Variants in LRRC36 observed in about 807,000 individuals in gnomAD.
LRRC36 encodes the protein leucine rich repeat containing 36.
A neutral mutation model predicts 81.1 loss-of-function variants in LRRC36; 62 were observed. The ratio of observed to expected loss-of-function variants is 0.76; its 90% CI spans 0.62 to 0.94. The LOEUF (loss-of-function observed/expected upper bound fraction) is 0.94. Ranked by LOEUF, LRRC36 falls within the 40% of genes least tolerant of loss-of-function variation. LRRC36 has a pLI of 0.00. For missense variants in LRRC36, 761 were observed against 881.7 expected, an observed-to-expected ratio of 0.86 and a Z score of 1.73; for synonymous variants, 334 against 348.6, an observed-to-expected ratio of 0.96 and a Z score of 0.47.
At chr16:67,375,444 G>C in intron 10 of LRRC36, 32 bp downstream of exon 10, 1 of 1,533,366 alleles carries the variant, frequency 6.5e-7, no homozygotes. Context: ...CCTTGGACAG[G>C]AGTTGGACTT....
At chr16:67,361,969 G>A (rs897073966) in intron 5 of LRRC36, among the ~76,000 whole-genome samples, 3 of 151,932 alleles carry the variant, frequency 2.0e-5, no homozygotes, top group African/African-American at 7.3e-5. Flanking sequence ...GGTGGCTCAC[G>A]CGTGTAATCC....
At chr16:67,378,791 A>T in intron 12 of LRRC36, 79 bp downstream of exon 12, 1 of 1,511,986 alleles carries the variant, frequency 6.6e-7, no homozygotes, top group Non-Finnish European at 9.0e-7. Flanking sequence ...AGTAACCTTC[A>T]TCATGCTAGC....
intron 9 of LRRC36, 24 bp from the exon 10 acceptor site, chr16:67,375,223 T>C: frequency 6.2e-7 from 1 of 1,606,658 alleles, no homozygotes; most frequent in African/African-American, 1.3e-5. Flanking sequence ...GTTTGTTTGT[T>C]TTTGCTTTTT....
chr16:67,357,648 C>A (rs768268985), intron 5 of LRRC36, among the ~76,000 whole-genome samples: 2 of 152,128 alleles, frequency 1.3e-5, no homozygotes, highest in Admixed American at 6.5e-5. Context: ...AGTGAACTGT[C>A]CTTGGAAGAG....
intron 12 of LRRC36, among the ~76,000 whole-genome samples, chr16:67,380,856 C>T (rs1262206224): frequency 6.6e-6 from 1 of 152,158 alleles, no homozygotes; most frequent in East Asian, 1.9e-4. Context: ...GCTTGCTAAA[C>T]AAGTGGGGCC....
chr16:67,377,475 G>A (rs1319274866), intron 11 of LRRC36, among the ~76,000 whole-genome samples: 1 of 151,852 alleles, frequency 6.6e-6, no homozygotes, highest in Non-Finnish European at 1.5e-5. Flanking sequence ...GGGATTACAG[G>A]TGCCCACCAC....
intron 1 of LRRC36, among the ~76,000 whole-genome samples, chr16:67,334,814 A>C (rs974307002): frequency 6.6e-6 from 1 of 152,128 alleles, no homozygotes; most frequent in East Asian, 1.9e-4. Flanking sequence ...GACAGAGTAC[A>C]AAAGAGAGAA....
intron 1 of LRRC36, among the ~76,000 whole-genome samples, chr16:67,329,011 G>A (rs1193675825): frequency 6.6e-6 from 1 of 152,148 alleles, no homozygotes; most frequent in Non-Finnish European, 1.5e-5. Context: ...CGCATTTCAA[G>A]CGATTCTTCT....
chr16:67,358,121 T>C (rs2038980461), intron 5 of LRRC36, among the ~76,000 whole-genome samples: 1 of 151,288 alleles, frequency 6.6e-6, no homozygotes, highest in Non-Finnish European at 1.5e-5. Context: ...TCTTGATTGT[T>C]GTATATGACG....
intron 5 of LRRC36, chr16:67,362,197 C>G (rs758247575): frequency 1.3e-5 from 6 of 453,460 alleles, no homozygotes; most frequent in South Asian, 9.3e-5. Flanking sequence ...GAGTCTTGCT[C>G]TGTCGCCCAG....
At chr16:67,336,090 A>G in intron 1 of LRRC36, among the ~76,000 whole-genome samples, 1 of 152,206 alleles carries the variant, frequency 6.6e-6, no homozygotes, top group East Asian at 1.9e-4. Context: ...GGAATCATAT[A>G]GTATGTAACC....
rs770031587 is a variant in LRRC36 at position 67,357,292 on chromosome 16, G to A, written c.578-6298G>A. ...AGATTACATGGAGTCTGTTCATGAT[G>A]GGAAAAAAACCACCTCACCAATTTC... On this transcript the variant is annotated intron_variant, in intron 5 of 13. Transcript: ENST00000329956. 2.6e-5 allele frequency among the ~76,000 whole-genome samples: 4 copies of A among 152,046 alleles called. No homozygotes were observed. In the South Asian group the frequency reaches 8.3e-4, roughly 32 times the overall value.
intron 5 of LRRC36, among the ~76,000 whole-genome samples, chr16:67,357,374 G>T (rs1406352039): frequency 1.3e-5 from 2 of 152,060 alleles, no homozygotes; most frequent in Admixed American, 6.6e-5. Flanking sequence ...TAAATGTCAG[G>T]GATTGTGTTG....
intron 7 of LRRC36, among the ~76,000 whole-genome samples, chr16:67,366,545 T>C (rs571655120): frequency 2.3e-4 from 35 of 151,744 alleles, no homozygotes; most frequent in African/African-American, 8.5e-4. Context: ...AGGTCAGGAG[T>C]TGGAGACCAG....
chr16:67,371,197 C>T lies in LRRC36; in HGVS notation c.1449C>T (p.Ala483=). Residue 483 remains alanine (A), a synonymous_variant, in exon 9 of 14, where the codon GCC becomes GCT. Coordinates refer to ENST00000329956, the MANE Select transcript of LRRC36 (RefSeq NM_018296.6). ...RGFKWKDNIL[A]NLNLKHGFQD... is the part of the protein sequence containing the mutation. Reference sequence around the variant, plus strand: ...TCAAATGGAAGGACAATATCCTTGCCAACCTGAATCTAAAGCATGGTTTCC... The same window carrying T: ...TCAAATGGAAGGACAATATCCTTGCTAACCTGAATCTAAAGCATGGTTTCC... The T allele has an allele frequency of 6.2e-7, 1 of 1,614,158 alleles. No individual in the cohort carries two copies. Among genetic ancestry groups the T allele is most frequent in the South Asian group, 1.1e-5 (1 of 91,070 alleles).
At chr16:67,340,665 A>G (rs1172685758) in intron 1 of LRRC36, among the ~76,000 whole-genome samples, 1 of 151,680 alleles carries the variant, frequency 6.6e-6, no homozygotes, top group Non-Finnish European at 1.5e-5. Context: ...CAAAAAAAAT[A>G]GAAAAAAAAG....
intron 5 of LRRC36, among the ~76,000 whole-genome samples, chr16:67,357,941 T>C (rs1461885666): frequency 6.6e-6 from 1 of 152,224 alleles, no homozygotes; most frequent in Non-Finnish European, 1.5e-5. Flanking sequence ...TTCAAACAAA[T>C]TGTCCTGTCG....
At chr16:67,370,906 A>G in intron 8 of LRRC36, 38 bp from the exon 9 acceptor site, 1 of 1,574,162 alleles carries the variant, frequency 6.4e-7, no homozygotes, top group Non-Finnish European at 8.7e-7. Flanking sequence ...TGAGGCAGTC[A>G]GAGGGCAGGT....
At chr16:67,373,522 C>T (rs916938233) in intron 9 of LRRC36, among the ~76,000 whole-genome samples, 5 of 151,268 alleles carry the variant, frequency 3.3e-5, no homozygotes, top group African/African-American at 1.2e-4. Flanking sequence ...TCCTGGCCAA[C>T]ACGGTGAAAC....
Sources: gnomAD v4.1 joint callset for allele counts (sites outside exome capture counted in the v4.1 genomes callset) on GRCh38, gnomAD v4.1.1 for gene constraint, MANE v1.5 for transcripts, NCBI Gene and HGNC (gene_info 2026-07-23, HGNC 2026-07-21) for gene names.